The following ADAM20 variants were observed in gnomAD, a reference collection of about 807,000 sequenced individuals.
ADAM20 encodes ADAM metallopeptidase domain 20.
For missense variants in ADAM20, 871 were observed against 883.2 expected, an observed-to-expected ratio of 0.99 and a Z score of 0.18; for synonymous variants, 305 against 310.2, an observed-to-expected ratio of 0.98 and a Z score of 0.18.
the ADAM20 span, chr14:70,547,142 C>T: frequency 2.6e-5 from 4 of 152,196 alleles, no homozygotes; most frequent in African/African-American, 9.7e-5. Flanking sequence ...CAAGATTGAA[C>T]TATGAAGATA....
At chr14:70,526,375 C>T (rs1415234318) in intron 1 of ADAM20, among the ~76,000 whole-genome samples, 1 of 152,072 alleles carries the variant, frequency 6.6e-6, no homozygotes, top group South Asian at 2.1e-4. Flanking sequence ...CACCGGATGC[C>T]ACAAGAGGAA....
At chr14:70,561,862 C>G in the ADAM20 span, among the ~76,000 whole-genome samples, 3 of 152,370 alleles carry the variant, frequency 2.0e-5, no homozygotes, top group Non-Finnish European at 4.4e-5. Flanking sequence ...ATGGAAATGC[C>G]TGGATGTCCA....
intron 1 of ADAM20, among the ~76,000 whole-genome samples, chr14:70,531,972 C>A (rs556510395): frequency 6.6e-6 from 1 of 152,084 alleles, no homozygotes; most frequent in South Asian, 2.1e-4. Flanking sequence ...ATCTCAGTGG[C>A]ATTATTAGCA....
the ADAM20 span, among the ~76,000 whole-genome samples, chr14:70,541,013 G>C: frequency 0.036 from 5,523 of 151,986 alleles, 117 homozygotes; most frequent in Middle Eastern, 0.058. Flanking sequence ...GGATAGTCTC[G>C]ATCTCTTGAC....
At chr14:70,556,825 G>A in the ADAM20 span, 3 of 152,190 alleles carry the variant, frequency 2.0e-5, no homozygotes, top group African/African-American at 7.2e-5. Context: ...CATGGATTTA[G>A]GTATACATGG....
At chr14:70,526,929 T>C (rs894350771) in intron 1 of ADAM20, among the ~76,000 whole-genome samples, 1 of 152,188 alleles carries the variant, frequency 6.6e-6, no homozygotes, top group Non-Finnish European at 1.5e-5. Flanking sequence ...TAAATCAATG[T>C]AGTGGGCCAC....
chr14:70,575,177 A>G, the ADAM20 span, among the ~76,000 whole-genome samples: 1 of 149,800 alleles, frequency 6.7e-6, no homozygotes, highest in Admixed American at 6.7e-5. Context: ...ATATGTATGT[A>G]TATATATATA....
the ADAM20 span, among the ~76,000 whole-genome samples, chr14:70,560,666 T>C: frequency 6.6e-6 from 1 of 152,164 alleles, no homozygotes; most frequent in African/African-American, 2.4e-5. Flanking sequence ...GTTCTCATGA[T>C]AATGATTCTC....
chr14:70,530,674 C>T (rs1425213755), intron 1 of ADAM20, among the ~76,000 whole-genome samples: 1 of 152,024 alleles, frequency 6.6e-6, no homozygotes, highest in African/African-American at 2.4e-5. Context: ...GTCATATATG[C>T]GATCCATCAT....
chr14:70,576,494 T>C, the ADAM20 span, among the ~76,000 whole-genome samples: 1 of 152,140 alleles, frequency 6.6e-6, no homozygotes, highest in Non-Finnish European at 1.5e-5. Context: ...TCTATCCAAA[T>C]ATAATACAAG....
chr14:70,570,962 A>G, the ADAM20 span, among the ~76,000 whole-genome samples: 12 of 152,190 alleles, frequency 7.9e-5, no homozygotes, highest in Non-Finnish European at 1.8e-4. Context: ...AATATACACA[A>G]ATCAATATTA....
At chr14:70,574,176 A>T in the ADAM20 span, among the ~76,000 whole-genome samples, 2 of 152,338 alleles carry the variant, frequency 1.3e-5, no homozygotes, top group Non-Finnish European at 2.9e-5. Flanking sequence ...ACTAGAAATC[A>T]ATAAGAGGAA....
chr14:70,523,374 C>A lies in ADAM20; in HGVS notation c.1384G>T (p.Gly462Ter). The A allele has an allele frequency of 6.2e-7, 1 of 1,614,052 alleles. No homozygotes were observed. Among genetic ancestry groups the A allele is most frequent in the Non-Finnish European group, 8.5e-7 (1 of 1,179,986 alleles). Residue 462 changes from glycine to a stop codon, truncating the protein, a stop_gained, in exon 2 of 2, where the codon GGA (glycine) becomes TGA (stop). Coordinates refer to ENST00000256389, the MANE Select transcript of ADAM20 (RefSeq NM_003814.5). LOFTEE classifies it low-confidence loss of function (END_TRUNC). ...CCKDCKFLPS[G>*]TLCRQQVGEC... ...CCAACTTGTTGTCTACATAAAGTTC[C>A]TGATGGCAGAAATTTGCAGTCTTTG...
At chr14:70,560,684 C>T in the ADAM20 span, among the ~76,000 whole-genome samples, 6 of 152,048 alleles carry the variant, frequency 3.9e-5, no homozygotes, top group Non-Finnish European at 8.8e-5. Context: ...CTCATGAGAT[C>T]TGATGGTTTA....
chr14:70,543,330 A>G, the ADAM20 span, among the ~76,000 whole-genome samples: 1 of 152,244 alleles, frequency 6.6e-6, no homozygotes, highest in Non-Finnish European at 1.5e-5. Flanking sequence ...TAGCACCCTT[A>G]GGGTGGAATA....
At chr14:70,525,609 T>C (rs1018942793) in intron 1 of ADAM20, among the ~76,000 whole-genome samples, 3 of 152,156 alleles carry the variant, frequency 2.0e-5, no homozygotes, top group Non-Finnish European at 4.4e-5. Flanking sequence ...TCAATAAGTA[T>C]ATGGACAACA....
At chr14:70,542,142 C>T in the ADAM20 span, among the ~76,000 whole-genome samples, 1 of 152,170 alleles carries the variant, frequency 6.6e-6, no homozygotes, top group Admixed American at 6.5e-5. Flanking sequence ...GAGCTACTGA[C>T]AGCTTTTAAA....
upstream of ADAM20, among the ~76,000 whole-genome samples, chr14:70,539,253 A>G (rs1360744069): frequency 6.6e-6 from 1 of 152,070 alleles, no homozygotes; most frequent in African/African-American, 2.4e-5. Flanking sequence ...GGATTGTGTA[A>G]AGACAATGCC....
At chr14:70,556,066 C>CA in the ADAM20 span, 5 of 152,260 alleles carry the variant, frequency 3.3e-5, no homozygotes, top group African/African-American at 1.2e-4. Context: ...AGTCACCAAC[C>CA]AAGTCTTTCC....
Sources: gnomAD v4.1 joint callset for allele counts (sites outside exome capture counted in the v4.1 genomes callset) on GRCh38, gnomAD v4.1.1 for gene constraint, MANE v1.5 for transcripts, NCBI Gene and HGNC (gene_info 2026-07-23, HGNC 2026-07-21) for gene names.